The following PDLIM5 variants were observed in gnomAD, a reference collection of about 807,000 sequenced individuals.
The protein encoded by PDLIM5 is PDZ and LIM domain protein 5.
In PDLIM5, 34 loss-of-function variants were observed where a neutral mutation model predicts 64.2. That is an observed-to-expected ratio of 0.53 (90% CI 0.40 to 0.71). The LOEUF is 0.71. Among genes scored for constraint, PDLIM5 ranks in the 30% least tolerant of loss-of-function variants. PDLIM5 has a pLI of 0.00. For synonymous variants in PDLIM5, 253 were observed against 269.1 expected, an observed-to-expected ratio of 0.94 and a Z score of 0.59; for missense variants, 683 against 733.6, an observed-to-expected ratio of 0.93 and a Z score of 0.80.
intron 3 of PDLIM5, among the ~76,000 whole-genome samples, chr4:94,570,259 A>G (rs1734694921): frequency 6.6e-6 from 1 of 152,184 alleles, no homozygotes; most frequent in African/African-American, 2.4e-5. Context: ...GGCTAAAGCA[A>G]TTCTGCTGCT....
chr4:94,471,369 A>G (rs1342725108), intron 2 of PDLIM5, among the ~76,000 whole-genome samples: 1 of 152,152 alleles, frequency 6.6e-6, no homozygotes, highest in East Asian at 1.9e-4. Flanking sequence ...AAGTAATCTA[A>G]TAGTACTTAA....
At chr4:94,582,349 TTTTATA>T (rs1339957715) in intron 5 of PDLIM5, among the ~76,000 whole-genome samples, 1 of 152,172 alleles carries the variant, frequency 6.6e-6, no homozygotes, top group East Asian at 1.9e-4. Flanking sequence ...TTTAAATGAT[TTTTATA>T]AAACCTTGTC....
At chr4:94,504,751 C>T (rs1239326844) in intron 2 of PDLIM5, among the ~76,000 whole-genome samples, 1 of 152,170 alleles carries the variant, frequency 6.6e-6, no homozygotes, top group Admixed American at 6.5e-5. Context: ...GGTTGTCTGC[C>T]TTGTGTTTAG....
Position 94,665,575 on chromosome 4 carries a change from TG to T in PDLIM5, c.*1509del, listed in dbSNP as rs10706956. ...GAATCAGAAGATTATACCCCCCAAT[TG>T]TTTTTCAATCCCCTTTTCTCAAATA... On this transcript the variant is annotated 3_prime_UTR_variant, in exon 13 of 13. Coordinates refer to ENST00000317968, the MANE Select transcript of PDLIM5 (RefSeq NM_006457.5). 556,611 of 963,068 alleles carry T rather than the reference TG, an allele frequency of 0.58. 164,238 individuals carry two copies. The highest frequency in any genetic ancestry group is 0.59 in the Admixed American group (9,519 of 16,072). 59.7% of individuals were successfully genotyped at this position (963,068 alleles called of 1,614,324 possible).
chr4:94,561,550 T>G (rs564774503), intron 3 of PDLIM5, among the ~76,000 whole-genome samples: 1 of 152,354 alleles, frequency 6.6e-6, no homozygotes, highest in South Asian at 2.1e-4. Context: ...ATGTGTTTTT[T>G]TCTATGCACT....
chr4:94,504,754 GT>G (rs1728242461), intron 2 of PDLIM5, among the ~76,000 whole-genome samples: 1 of 152,138 alleles, frequency 6.6e-6, no homozygotes, highest in South Asian at 2.1e-4. Context: ...TGTCTGCCTT[GT>G]GTTTAGACAT....
intron 3 of PDLIM5, among the ~76,000 whole-genome samples, chr4:94,570,069 T>TTACAGAATTA (rs1314468972): frequency 6.6e-6 from 1 of 152,062 alleles, no homozygotes; most frequent in Non-Finnish European, 1.5e-5. Context: ...CTCACCCTAC[T>TTACAGAATTA]TACAGAATTA....
At chr4:94,577,352 A>C (rs990066387) in intron 5 of PDLIM5, 1 of 456,534 alleles carries the variant, frequency 2.2e-6, no homozygotes, top group African/African-American at 2.0e-5. Flanking sequence ...GCTTTGAAAG[A>C]GAAGGTGGCA....
rs527395854 is a variant in PDLIM5, at chr4:94,590,634, A to G, written c.920+4190A>G. 2.2e-3 allele frequency among the ~76,000 whole-genome samples: 329 copies of G among 152,284 alleles called. 1 individual carries two copies. The highest frequency in any genetic ancestry group is 7.1e-3 in the African/African-American group (297 of 41,554). ...CCTCTGAGGAGACGACCTTAATGCCAGCAGCTGGGAGTGGAAAAGGAGTCA... is the reference window on the plus strand; with the variant it reads ...CCTCTGAGGAGACGACCTTAATGCCGGCAGCTGGGAGTGGAAAAGGAGTCA... On this transcript the variant is annotated intron_variant, in intron 7 of 12. Transcript: ENST00000317968.
intron 2 of PDLIM5, among the ~76,000 whole-genome samples, chr4:94,513,254 C>A (rs985765170): frequency 3.3e-5 from 5 of 152,044 alleles, no homozygotes; most frequent in Admixed American, 1.3e-4. Flanking sequence ...ATTGCTTTTT[C>A]TGTTTCTGTG....
At chr4:94,534,792 G>C (rs1293672997) in intron 3 of PDLIM5, among the ~76,000 whole-genome samples, 4 of 152,122 alleles carry the variant, frequency 2.6e-5, no homozygotes, top group Non-Finnish European at 4.4e-5. Context: ...CAACAAAATG[G>C]GTGTGACTGA....
intron 2 of PDLIM5, among the ~76,000 whole-genome samples, chr4:94,473,112 A>G (rs1725021263): frequency 6.6e-6 from 1 of 152,244 alleles, no homozygotes. Flanking sequence ...ACATTTGAGC[A>G]GAGATCTGGA....
rs368845499 is a variant in PDLIM5 at position 94,576,520 on chromosome 4, A to G, written c.710+486A>G. Among the ~76,000 whole-genome samples, 7 of 152,348 alleles carry G rather than the reference A, an allele frequency of 4.6e-5. No homozygotes were observed. In the East Asian group the frequency reaches 7.7e-4, roughly 17 times the overall value. ...ACCAGTCCGCTTTTGACTCATGTCT[A>G]TATGTGAAGCATTAGCTTAGAGCAG... is the stretch of plus-strand genomic sequence containing the variant. On this transcript the variant is annotated intron_variant, in intron 5 of 12. Coordinates refer to ENST00000317968, the MANE Select transcript of PDLIM5 (RefSeq NM_006457.5).
chr4:94,499,188 A>G (rs970874878), intron 2 of PDLIM5, among the ~76,000 whole-genome samples: 1 of 152,202 alleles, frequency 6.6e-6, no homozygotes, highest in Non-Finnish European at 1.5e-5. Context: ...AGTCTTTCTT[A>G]TAATTAAGAG....
At chr4:94,525,404 C>T (rs763744487) in intron 3 of PDLIM5, among the ~76,000 whole-genome samples, 3 of 151,740 alleles carry the variant, frequency 2.0e-5, no homozygotes, top group South Asian at 2.1e-4. Flanking sequence ...GGCAACGGAG[C>T]GACACTCTGT....
At chr4:94,658,017 A>T (rs908218532) in intron 11 of PDLIM5, among the ~76,000 whole-genome samples, 10 of 152,224 alleles carry the variant, frequency 6.6e-5, no homozygotes, top group Admixed American at 5.9e-4. Flanking sequence ...TTTTAATGTG[A>T]CTTTGTCAAA....
At chr4:94,514,043 T>A (rs1448670059) in intron 2 of PDLIM5, among the ~76,000 whole-genome samples, 1 of 152,202 alleles carries the variant, frequency 6.6e-6, no homozygotes, top group South Asian at 2.1e-4. Flanking sequence ...TACATTTGTT[T>A]AACCATCCTT....
chr4:94,548,382 A>G (rs939665864), intron 3 of PDLIM5, among the ~76,000 whole-genome samples: 1 of 152,208 alleles, frequency 6.6e-6, no homozygotes, highest in Admixed American at 6.5e-5. Context: ...CTAGAAGGAA[A>G]AAATACTCTG....
intron 3 of PDLIM5, among the ~76,000 whole-genome samples, chr4:94,542,750 CATCT>C (rs1731933333): frequency 6.6e-6 from 1 of 152,102 alleles, no homozygotes; most frequent in Non-Finnish European, 1.5e-5. Flanking sequence ...CCTGTTATTT[CATCT>C]ATTTAATAGG....
Sources: gnomAD v4.1 joint callset for allele counts (sites outside exome capture counted in the v4.1 genomes callset) on GRCh38, gnomAD v4.1.1 for gene constraint, MANE v1.5 for transcripts, NCBI Gene and HGNC (gene_info 2026-07-23, HGNC 2026-07-21) for gene names.